Variants in SARNP observed in about 807,000 individuals in gnomAD.
SARNP encodes the protein SAP domain containing ribonucleoprotein.
SARNP carries 5 observed loss-of-function variants against 38.1 expected under a neutral mutation model. That is an observed-to-expected ratio of 0.13 (90% CI 0.07 to 0.28). The LOEUF is 0.28. SARNP is among the 10% of genes least tolerant of loss of function. The pLI is 1.00. For synonymous variants in SARNP, 84 were observed against 80.6 expected (o/e 1.04, Z -0.23); for missense variants, 180 against 243.9 (o/e 0.74, Z 1.75).
At chr12:55,757,681 GC>G in intron 10 of SARNP, 128 bp from the exon 11 acceptor site, 1 of 616,914 alleles carries the variant, frequency 1.6e-6, no homozygotes, top group Non-Finnish European at 2.8e-6. Context: ...CCAGACTTGA[GC>G]TTGGTAGCTA....
chr12:55,783,927 AAAAAAAAG>A (rs1263542346), intron 9 of SARNP, among the ~76,000 whole-genome samples: 1 of 151,814 alleles, frequency 6.6e-6, no homozygotes, highest in Non-Finnish European at 1.5e-5. Context: ...TCCTATCTCT[AAAAAAAAG>A]AAAAAAAGAA....
intron 1 of SARNP, among the ~76,000 whole-genome samples, chr12:55,807,069 C>T (rs542433895): frequency 1.3e-5 from 2 of 152,196 alleles, no homozygotes; most frequent in African/African-American, 2.4e-5. Flanking sequence ...ACTACAGGTA[C>T]ACACCACTGT....
chr12:55,802,999 C>T (rs938089760), intron 2 of SARNP, among the ~76,000 whole-genome samples: 1 of 149,328 alleles, frequency 6.7e-6, no homozygotes, highest in Non-Finnish European at 1.5e-5. Context: ...ATGTAATTAC[C>T]AATTATATAA....
intron 9 of SARNP, among the ~76,000 whole-genome samples, chr12:55,771,681 C>T (rs1297935975): frequency 6.6e-6 from 1 of 152,074 alleles, no homozygotes; most frequent in African/African-American, 2.4e-5. Flanking sequence ...TCATATTTCA[C>T]AAAAATAACA....
intron 8 of SARNP, among the ~76,000 whole-genome samples, chr12:55,789,506 GT>G (rs1879600563): frequency 6.6e-6 from 1 of 152,204 alleles, no homozygotes; most frequent in Non-Finnish European, 1.5e-5. Flanking sequence ...GTCTCTGCAA[GT>G]ATTTCTTAAC....
chr12:55,753,047 G>A (rs1017498932), downstream of SARNP: 8 of 152,188 alleles, frequency 5.3e-5, no homozygotes, highest in African/African-American at 1.9e-4. Flanking sequence ...GGGACATGCA[G>A]GCCAAGGAAG....
At chr12:55,758,808 G>A (rs1041530061) in intron 10 of SARNP, among the ~76,000 whole-genome samples, 1 of 151,906 alleles carries the variant, frequency 6.6e-6, no homozygotes, top group African/African-American at 2.4e-5. Context: ...TTCCCATAAA[G>A]CCTGCAGAAA....
At chr12:55,777,173 A>G (rs967118680) in intron 9 of SARNP, among the ~76,000 whole-genome samples, 1 of 152,172 alleles carries the variant, frequency 6.6e-6, no homozygotes, top group African/African-American at 2.4e-5. Context: ...CAATGAATGA[A>G]ATCAGAGAGA....
intron 9 of SARNP, among the ~76,000 whole-genome samples, chr12:55,783,042 T>C (rs1879385054): frequency 6.6e-6 from 1 of 151,988 alleles, no homozygotes. Context: ...CCCTGGAGGC[T>C]GAGGCTGCAG....
At chr12:55,780,463 A>T (rs534264724) in intron 9 of SARNP, among the ~76,000 whole-genome samples, 1 of 152,136 alleles carries the variant, frequency 6.6e-6, no homozygotes, top group African/African-American at 2.4e-5. Flanking sequence ...AAAAATGAAA[A>T]AGAAAGAAAA....
At chr12:55,766,297 C>T (rs1422631031) in intron 9 of SARNP, among the ~76,000 whole-genome samples, 1 of 152,080 alleles carries the variant, frequency 6.6e-6, no homozygotes, top group Non-Finnish European at 1.5e-5. Flanking sequence ...CCTATCAAAT[C>T]TATACTCCTA....
chr12:55,801,898 T>C (rs1189698605), intron 2 of SARNP, among the ~76,000 whole-genome samples: 1 of 152,112 alleles, frequency 6.6e-6, no homozygotes, highest in Non-Finnish European at 1.5e-5. Context: ...GTTACAGGCA[T>C]GAACCACCCC....
At chr12:55,764,245 CTGGGAGCAG>C (rs1434919232) in intron 9 of SARNP, among the ~76,000 whole-genome samples, 1 of 152,162 alleles carries the variant, frequency 6.6e-6, no homozygotes. Flanking sequence ...GAATAAGGGG[CTGGGAGCAG>C]TGGCTCACAT....
intron 9 of SARNP, among the ~76,000 whole-genome samples, chr12:55,776,835 A>G (rs984194720): frequency 1.3e-5 from 2 of 152,244 alleles, no homozygotes. Flanking sequence ...AAAAACTCTT[A>G]CCCAGACAAT....
Position 55,803,810 on chromosome 12 carries a change from A to G in SARNP, c.37-82T>C, listed in dbSNP as rs1368695762. On this transcript the variant is annotated intron_variant, in intron 1 of 10. Coordinates refer to ENST00000336133, the MANE Select transcript of SARNP (RefSeq NM_033082.4). ...AAATGGTAGTTCCCACAAGGAAAAG[A>G]AAAAAAGAAAATGAAGTTCCATCCC... 5 of 892,286 alleles carry G rather than the reference A, an allele frequency of 5.6e-6. No homozygotes were observed. The African/African-American group carries it at 8.3e-5, about 15-fold the overall frequency. The allele number at this position is 892,286 out of a possible 1,614,324, so 55.3% of individuals were successfully genotyped here.
chr12:55,760,543 A>AT lies in SARNP; in HGVS notation c.591+7dup. Reference sequence around the variant, plus strand: ...AAGGTCTATGAAGCGTTCCAGGTATATTTTTACCTCTGTATCCTCTGTGGT... The same window carrying AT: ...AAGGTCTATGAAGCGTTCCAGGTATATTTTTTACCTCTGTATCCTCTGTGGT... On this transcript the variant is annotated splice_region_variant and intron_variant, in intron 10 of 10. Transcript: ENST00000336133. 1.3e-6 allele frequency: 2 copies of AT among 1,562,884 alleles called. No individual in the cohort carries two copies. Among genetic ancestry groups the AT allele is most frequent in the Non-Finnish European group, 1.8e-6 (2 of 1,133,214 alleles).
At chr12:55,800,683 T>C (rs1014404345) in intron 3 of SARNP, 54 bp from the exon 4 acceptor site, 2 of 1,454,172 alleles carry the variant, frequency 1.4e-6, no homozygotes, top group South Asian at 1.2e-5. Flanking sequence ...TAAATATCTA[T>C]CAAAAGAAGA....
chr12:55,775,088 C>T (rs999544611), intron 9 of SARNP, among the ~76,000 whole-genome samples: 4 of 150,878 alleles, frequency 2.7e-5, no homozygotes, highest in Non-Finnish European at 4.4e-5. Flanking sequence ...GGGGTTTCAC[C>T]GTGTTAGCCA....
chr12:55,810,801 GC>G (rs1424638173), intron 1 of SARNP, among the ~76,000 whole-genome samples: 5 of 151,670 alleles, frequency 3.3e-5, no homozygotes, highest in Non-Finnish European at 1.5e-5. Flanking sequence ...CGTTGGCCAG[GC>G]GCGGTGGCTC....
Sources: allele counts gnomAD v4.1 joint callset (sites outside exome capture counted in the v4.1 genomes callset), GRCh38; gene constraint gnomAD v4.1.1; transcripts MANE v1.5; gene names NCBI Gene and HGNC (gene_info 2026-07-23, HGNC 2026-07-21).